NCOR1: variants seen among roughly 807,000 people sequenced by gnomAD.
NCOR1 encodes protein phosphatase 1, regulatory subunit 109.
A neutral mutation model predicts 288.1 loss-of-function variants in NCOR1; 63 were observed. That is an observed-to-expected ratio of 0.22 (90% CI 0.18 to 0.27). NCOR1 has a LOEUF of 0.27. NCOR1 is among the 10% of genes least tolerant of loss of function. The pLI, the probability that NCOR1 is intolerant of heterozygous loss-of-function variation, is 1.00. For synonymous variants in NCOR1, 1,007 were observed against 1,065.9 expected, an observed-to-expected ratio of 0.94 and a Z score of 1.08; for missense variants, 2,397 against 3,019.2, an observed-to-expected ratio of 0.79 and a Z score of 4.83.
intron 22 of NCOR1, among the ~76,000 whole-genome samples, chr17:16,090,367 A>G (rs1808454851): frequency 6.6e-6 from 1 of 152,182 alleles, no homozygotes. Flanking sequence ...AGAGACTTTT[A>G]TTCTCTAAAG....
intron 18 of NCOR1, among the ~76,000 whole-genome samples, chr17:16,114,793 T>C (rs2071210545): frequency 6.6e-6 from 1 of 152,222 alleles, no homozygotes; most frequent in African/African-American, 2.4e-5. Flanking sequence ...AACAGCCTCC[T>C]TCCTGGCTGT....
intron 1 of NCOR1, among the ~76,000 whole-genome samples, chr17:16,205,544 C>A (rs1228520102): frequency 2.0e-5 from 3 of 151,736 alleles, no homozygotes; most frequent in Admixed American, 6.6e-5. Flanking sequence ...TCGCTTGAAC[C>A]TGGGAGGCGG....
intron 3 of NCOR1, among the ~76,000 whole-genome samples, chr17:16,173,248 T>C (rs1434494249): frequency 6.6e-6 from 1 of 152,196 alleles, no homozygotes; most frequent in African/African-American, 2.4e-5. Context: ...AAAATTATTA[T>C]ACTTCAAAAT....
At position 16,165,259 on chromosome 17, in the gene NCOR1, T is replaced by C. The variant is rs1354923385; in HGVS notation, c.436-98A>G. The C allele has an allele frequency of 4.4e-6, 4 of 907,876 alleles. No individual in the cohort carries two copies. In the Admixed American group the frequency reaches 9.7e-5, roughly 22 times the overall value. The allele number at this position is 907,876 out of a possible 1,614,324, so 56.2% of individuals were successfully genotyped here. ...TCAGTTTTAAACCACAGCAGAGCCA[T>C]GTGTACTATTTGTCTAATGAAACTT... On this transcript the variant is annotated intron_variant, in intron 4 of 45. Coordinates refer to ENST00000268712, the MANE Select transcript of NCOR1 (RefSeq NM_006311.4).
intron 14 of NCOR1, 46 bp downstream of exon 14, chr17:16,137,265 T>A: frequency 1.5e-6 from 2 of 1,320,176 alleles, no homozygotes; most frequent in Non-Finnish European, 2.1e-6. Flanking sequence ...TGCTTGCCTA[T>A]TTCCCCCAAT....
intron 1 of NCOR1, among the ~76,000 whole-genome samples, chr17:16,195,702 T>C (rs1460118834): frequency 2.6e-5 from 4 of 152,168 alleles, no homozygotes; most frequent in Non-Finnish European, 5.9e-5. Flanking sequence ...TTCTAGCACA[T>C]TTCCTCTTAC....
chr17:16,051,979 A>G (rs2059372681), intron 40 of NCOR1, among the ~76,000 whole-genome samples: 1 of 152,170 alleles, frequency 6.6e-6, no homozygotes, highest in Admixed American at 6.5e-5. Context: ...GACACAAAAA[A>G]ACACTCAAAA....
chr17:16,178,881 G>A (rs2084802966), intron 3 of NCOR1, among the ~76,000 whole-genome samples: 1 of 152,182 alleles, frequency 6.6e-6, no homozygotes, highest in Admixed American at 6.5e-5. Flanking sequence ...GATGCAGGTG[G>A]ATCACCTGAG....
chr17:16,071,476 T>C lies in NCOR1; in HGVS notation c.4085A>G (p.Gln1362Arg). 6.2e-7 allele frequency: 1 copy of C among 1,614,218 alleles called. No homozygotes were observed. The highest frequency in any genetic ancestry group is 1.3e-5 in the African/African-American group (1 of 75,054). Residue 1362 changes from glutamine (Q) to arginine (R), a missense_variant, in exon 30 of 46, where the codon CAG (glutamine) becomes CGG (arginine). By Grantham distance (43) the Gln-to-Arg change is conservative. This residue lies in a region of NCOR1 where 1,872 missense variants were observed against 2,187.8 expected (regional missense o/e 0.86). Transcript: ENST00000268712. ...CACTTCTGGAGTTTTCCGACTTTCC[T>C]GAGTTAAAATATCTTGCCTTGGAAT... ...HEIPRQDILT[Q>R]ESRKTPEVVQ...
intron 29 of NCOR1, 129 bp from the exon 30 acceptor site, chr17:16,071,794 T>C: frequency 1.2e-6 from 1 of 823,164 alleles, no homozygotes; most frequent in Non-Finnish European, 1.9e-6. Context: ...TTTAAAATAA[T>C]GCCTTGACAT....
intron 27 of NCOR1, among the ~76,000 whole-genome samples, chr17:16,074,069 G>A (rs1192783630): frequency 6.6e-6 from 1 of 152,172 alleles, no homozygotes; most frequent in Non-Finnish European, 1.5e-5. Flanking sequence ...GACAGAGAAA[G>A]GTACAATAAA....
intron 3 of NCOR1, among the ~76,000 whole-genome samples, chr17:16,172,244 TA>T (rs1741393511): frequency 6.6e-6 from 1 of 152,058 alleles, no homozygotes; most frequent in South Asian, 2.1e-4. Context: ...TAATCCCAGC[TA>T]CTCGGGAGGC....
chr17:16,181,911 A>G (rs577093343), intron 3 of NCOR1, among the ~76,000 whole-genome samples: 1 of 152,336 alleles, frequency 6.6e-6, no homozygotes, highest in South Asian at 2.1e-4. Context: ...ATACTGAAAA[A>G]AGAGAATGGC....
At chr17:16,056,856 GTGTGTGTGTGCATATATATA>G (rs1225672878) in intron 40 of NCOR1, 1 of 151,454 alleles carries the variant, frequency 6.6e-6, no homozygotes, top group Non-Finnish European at 1.5e-5. Flanking sequence ...AAATATATAT[GTGTGTGTGTGCATATATATA>G]TGTGTGTGTA....
intron 13 of NCOR1, chr17:16,137,948 T>A (rs1251232434): frequency 4.2e-6 from 2 of 473,128 alleles, no homozygotes; most frequent in African/African-American, 2.0e-5. Context: ...GAAATAAACA[T>A]CAGGTCATCT....
chr17:16,174,337 C>T (rs892914760), intron 3 of NCOR1, among the ~76,000 whole-genome samples: 1 of 152,220 alleles, frequency 6.6e-6, no homozygotes, highest in African/African-American at 2.4e-5. Flanking sequence ...CCACTAAGGC[C>T]AGAGGTAATC....
At chr17:16,184,538 T>C (rs1289909040) in intron 3 of NCOR1, among the ~76,000 whole-genome samples, 4 of 152,132 alleles carry the variant, frequency 2.6e-5, no homozygotes, top group African/African-American at 7.2e-5. Flanking sequence ...TTAGGATGCC[T>C]ATTACCAAAA....
At chr17:16,210,792 C>T (rs1200657129) in intron 1 of NCOR1, among the ~76,000 whole-genome samples, 1 of 151,472 alleles carries the variant, frequency 6.6e-6, no homozygotes, top group Admixed American at 6.6e-5. Flanking sequence ...TGCAGTGGCG[C>T]AATCTCGGCT....
chr17:16,206,912 T>C (rs2091576506), intron 1 of NCOR1, among the ~76,000 whole-genome samples: 1 of 152,162 alleles, frequency 6.6e-6, no homozygotes, highest in African/African-American at 2.4e-5. Flanking sequence ...TTTCGGTATA[T>C]ATATAAAATA....
Sources: allele counts gnomAD v4.1 joint callset (sites outside exome capture counted in the v4.1 genomes callset), GRCh38; gene constraint gnomAD v4.1.1; regional missense constraint gnomAD v4.1.1; transcripts MANE v1.5; gene names NCBI Gene and HGNC (gene_info 2026-07-23, HGNC 2026-07-21).